TK2: variants seen among roughly 807,000 people sequenced by gnomAD.
The protein encoded by TK2 is thymidine kinase 2, mitochondrial.
TK2 carries 35 observed loss-of-function variants against 41.9 expected under a neutral mutation model. That is an observed-to-expected ratio of 0.84 (90% CI 0.64 to 1.11). The LOEUF (loss-of-function observed/expected upper bound fraction) is 1.11, where lower values mean the gene tolerates loss of function less well. Among genes scored for constraint, TK2 ranks in the 50% least tolerant of loss-of-function variants. TK2 has a pLI of 0.00. For missense variants in TK2, 320 were observed against 351.1 expected (o/e 0.91, Z 0.71); for synonymous variants, 128 against 129.1 (o/e 0.99, Z 0.06).
intron 8 of TK2, among the ~76,000 whole-genome samples, 187 bp downstream of exon 8, chr16:66,516,949 C>A (rs1417641097): frequency 6.6e-6 from 1 of 152,112 alleles, no homozygotes; most frequent in Non-Finnish European, 1.5e-5. Flanking sequence ...CCAAGCAGAT[C>A]TGGACATCCA....
intron 5 of TK2, 109 bp from the exon 6 acceptor site, chr16:66,529,176 G>A: frequency 9.7e-7 from 1 of 1,031,616 alleles, no homozygotes; most frequent in Non-Finnish European, 1.5e-6. Context: ...CTGAATATGA[G>A]AATCAAGGCG....
chr16:66,516,199 G>A (rs982811031), intron 8 of TK2, among the ~76,000 whole-genome samples: 2 of 149,754 alleles, frequency 1.3e-5, no homozygotes, highest in Non-Finnish European at 3.0e-5. Context: ...TTTGGGGGGG[G>A]TTACAATGGA....
intron 2 of TK2, chr16:66,547,874 G>T: frequency 8.1e-7 from 1 of 1,241,774 alleles, no homozygotes; most frequent in Non-Finnish European, 1.0e-6. Context: ...GTGTGTCTGG[G>T]GGCACATCAA....
chr16:66,512,492 C>T (rs573370333), intron 9 of TK2, among the ~76,000 whole-genome samples: 1 of 152,230 alleles, frequency 6.6e-6, no homozygotes, highest in East Asian at 1.9e-4. Flanking sequence ...TAAAAATCTA[C>T]TACAGTAGGC....
chr16:66,544,195 G>A (rs1965537947), intron 2 of TK2, among the ~76,000 whole-genome samples: 1 of 152,172 alleles, frequency 6.6e-6, no homozygotes, highest in African/African-American at 2.4e-5. Context: ...CTGCCCTCCG[G>A]TTTACAGCAG....
At chr16:66,541,252 C>A (rs1433985640) in intron 3 of TK2, among the ~76,000 whole-genome samples, 1 of 152,168 alleles carries the variant, frequency 6.6e-6, no homozygotes, top group Non-Finnish European at 1.5e-5. Context: ...TAAAACACTT[C>A]TGGTCTCAAG....
chr16:66,528,863 C>A, intron 6 of TK2, 131 bp downstream of exon 6: 1 of 847,512 alleles, frequency 1.2e-6, no homozygotes, highest in Non-Finnish European at 1.9e-6. Context: ...TTTGTTACAC[C>A]GCATTGCTAT....
chr16:66,544,676 C>T (rs556665350), intron 2 of TK2, among the ~76,000 whole-genome samples: 159 of 152,348 alleles, frequency 1.0e-3, no homozygotes, highest in African/African-American at 3.7e-3. Context: ...GCTATGAGCC[C>T]TTGAGTCCAA....
intron 2 of TK2, chr16:66,547,905 A>T: frequency 7.9e-7 from 1 of 1,267,922 alleles, no homozygotes; most frequent in South Asian, 1.3e-5. Flanking sequence ...AAAAGCACAA[A>T]GAACAGGCCC....
chr16:66,544,329 C>G (rs1234258036), intron 2 of TK2, among the ~76,000 whole-genome samples: 1 of 152,084 alleles, frequency 6.6e-6, no homozygotes, highest in East Asian at 1.9e-4. Context: ...AAGTGCATGC[C>G]CATTGAAGAA....
chr16:66,532,129 C>CAAA (rs11334281), intron 4 of TK2, among the ~76,000 whole-genome samples: 1 of 75,578 alleles, frequency 1.3e-5, no homozygotes, highest in Non-Finnish European at 3.2e-5. Context: ...TTGAAATGAC[C>CAAA]AAAAAAAAAA....
At chr16:66,521,056 G>T (rs991453226) in intron 6 of TK2, among the ~76,000 whole-genome samples, 4 of 152,204 alleles carry the variant, frequency 2.6e-5, no homozygotes, top group Non-Finnish European at 5.9e-5. Flanking sequence ...TCCAAGGCTG[G>T]ACTAGCCACC....
chr16:66,525,340 A>G (rs1200482715), intron 6 of TK2, among the ~76,000 whole-genome samples: 4 of 152,250 alleles, frequency 2.6e-5, no homozygotes, highest in Non-Finnish European at 4.4e-5. Flanking sequence ...ATTGTCCTCA[A>G]TGATAAGTTA....
chr16:66,529,183 G>C, intron 5 of TK2, 116 bp from the exon 6 acceptor site: 4 of 988,116 alleles, frequency 4.0e-6, no homozygotes, highest in Non-Finnish European at 6.4e-6. Flanking sequence ...TGAGAATCAA[G>C]GCGGCAGAGA....
intron 2 of TK2, among the ~76,000 whole-genome samples, chr16:66,542,934 G>A (rs1033662398): frequency 2.0e-5 from 3 of 152,060 alleles, no homozygotes; most frequent in African/African-American, 2.4e-5. Flanking sequence ...GCACAGTGGC[G>A]TGATCTCAGC....
intron 2 of TK2, among the ~76,000 whole-genome samples, chr16:66,543,224 G>A (rs1005504029): frequency 6.6e-6 from 1 of 152,200 alleles, no homozygotes; most frequent in African/African-American, 2.4e-5. Flanking sequence ...GTGCAGGCAA[G>A]GATGGGAACC....
chr16:66,524,735 A>C (rs1200764319), intron 6 of TK2: 1 of 152,278 alleles, frequency 6.6e-6, no homozygotes, highest in Non-Finnish European at 1.5e-5. Context: ...GTGGCCTCTC[A>C]GGCCCCACCT....
chr16:66,524,547 A>G (rs1015101741), intron 6 of TK2, among the ~76,000 whole-genome samples: 1 of 152,118 alleles, frequency 6.6e-6, no homozygotes, highest in Non-Finnish European at 1.5e-5. Flanking sequence ...TTTGTTGCCC[A>G]GGCTGGTCTC....
At chr16:66,549,798 C>A (rs1338793615) in intron 1 of TK2, 140 bp downstream of exon 1, 80 of 1,286,918 alleles carry the variant, frequency 6.2e-5, no homozygotes, top group Non-Finnish European at 7.3e-5. Context: ...GATGGCCGCC[C>A]CCGTCCCAGC....
Sources: allele counts gnomAD v4.1 joint callset (sites outside exome capture counted in the v4.1 genomes callset), GRCh38; gene constraint gnomAD v4.1.1; transcripts MANE v1.5; gene names NCBI Gene and HGNC (gene_info 2026-07-23, HGNC 2026-07-21).